Variants in BANP observed in about 807,000 individuals in gnomAD.
The protein encoded by BANP is protein BANP.
In BANP, 11 loss-of-function variants were observed where a neutral mutation model predicts 68.1. The observed-to-expected ratio is 0.16, with a 90% CI of 0.10 to 0.27. BANP has a LOEUF of 0.27. Among genes scored for constraint, BANP ranks in the 10% least tolerant of loss-of-function variants. BANP has a pLI of 1.00. For synonymous variants in BANP, 329 were observed against 303.2 expected, an observed-to-expected ratio of 1.09 and a Z score of -0.88; for missense variants, 504 against 722.7, an observed-to-expected ratio of 0.70 and a Z score of 3.47.
chr16:88,052,547 C>G (rs1341805188), intron 11 of BANP, among the ~76,000 whole-genome samples: 1 of 151,982 alleles, frequency 6.6e-6, no homozygotes, highest in African/African-American at 2.4e-5. Context: ...CCCAGAGCTC[C>G]ACCATCATCA....
In BANP at chr16:88,024,211, TTC is replaced by T. The variant is rs2076542696; in HGVS notation, c.896-3269_896-3268del. Among the ~76,000 whole-genome samples the T allele has an allele frequency of 2.0e-5, 3 of 152,252 alleles. No homozygotes were observed. In the East Asian group the frequency reaches 5.8e-4, roughly 29 times the overall value. On this transcript the variant is annotated intron_variant, in intron 7 of 13. Transcript: ENST00000682872. ...CGTCTCCCCGAGCACCTCTCATGGG[TTC>T]TCAGGATCCAGTGAGGGCCGCTGCT...
chr16:87,974,818 G>A (rs2061721710), intron 1 of BANP, among the ~76,000 whole-genome samples: 1 of 152,140 alleles, frequency 6.6e-6, no homozygotes, highest in Non-Finnish European at 1.5e-5. Flanking sequence ...GAGAGGCCCC[G>A]GGTGGCTCGT....
At chr16:87,951,651 G>GCCCGGGCCGGGCGATCGCCC (rs2056881780) in intron 1 of BANP, 136 bp downstream of exon 1, 1 of 147,642 alleles carries the variant, frequency 6.8e-6, no homozygotes, top group South Asian at 1.8e-4. Context: ...GCCGCCAACC[G>GCCCGGGCCGGGCGATCGCCC]CCCGGGCCGG....
At position 88,076,791 on chromosome 16, in the gene BANP, G is replaced by T; in HGVS notation, c.*130G>T. ...TGCTGAAGTGCGTCTGAAGGCCGCT[G>T]CCTCCGCGGGGAACAGCATCCTATC... On this transcript the variant is annotated 3_prime_UTR_variant, in exon 14 of 14. Coordinates refer to ENST00000682872, the MANE Select transcript of BANP (RefSeq NM_001386991.1). 1.4e-6 allele frequency: 1 copy of T among 717,768 alleles called. No homozygotes were observed. The highest frequency in any genetic ancestry group is 1.9e-5 in the South Asian group (1 of 52,446). 44.5% of individuals were successfully genotyped at this position (717,768 alleles called of 1,614,324 possible).
chr16:88,044,304 C>T (rs3890051), intron 11 of BANP, among the ~76,000 whole-genome samples: 71,797 of 150,750 alleles, frequency 0.48, 20,079 homozygotes, highest in Non-Finnish European at 0.66. Context: ...CATGTGCACA[C>T]ACACAGTCGG....
chr16:87,956,935 A>G (rs1185956195), intron 1 of BANP: 1 of 151,950 alleles, frequency 6.6e-6, no homozygotes, highest in Non-Finnish European at 1.5e-5. Flanking sequence ...AGAGAGGAGC[A>G]CCCCGGGGCC....
rs79493400 is a variant in BANP, at chr16:88,064,349, G to C, written c.1312-918G>C. 0.014 allele frequency among the ~76,000 whole-genome samples: 2,194 copies of C among 152,340 alleles called. 59 individuals carry two copies. The highest frequency in any genetic ancestry group is 0.051 in the African/African-American group (2,116 of 41,578). On this transcript the variant is annotated intron_variant, in intron 11 of 13. Coordinates refer to ENST00000682872, the MANE Select transcript of BANP (RefSeq NM_001386991.1). The surrounding 1 kb of genome is among the most constrained non-coding windows in gnomAD (Gnocchi z 4.5). ...TGGTCACCTGTGGTCAGGGACAGTG[G>C]GTTCCTCTCCCTTAGCATGCTTGGA...
chr16:88,026,337 G>T (rs531816287), intron 7 of BANP, among the ~76,000 whole-genome samples: 36 of 152,314 alleles, frequency 2.4e-4, no homozygotes, highest in African/African-American at 7.2e-4. Context: ...GAGAAGGCAC[G>T]ATAGAGAGGC....
intron 1 of BANP, 53 bp from the exon 2 acceptor site, chr16:87,974,995 C>T: frequency 1.2e-6 from 1 of 813,174 alleles, no homozygotes. Context: ...TTCATAATTT[C>T]ACGTGTAGCG....
In BANP at chr16:88,071,225, C is replaced by T. The variant is rs140677473; in HGVS notation, c.1378-844C>T. 9 of 348,010 alleles carry T rather than the reference C, an allele frequency of 2.6e-5. No homozygotes were observed. The highest frequency in any genetic ancestry group is 6.4e-5 in the African/African-American group (3 of 46,620). The allele number at this position is 348,010 out of a possible 1,614,324, so 21.6% of individuals were successfully genotyped here. Reference sequence around the variant, plus strand: ...TGTGGGATGCATCTCCTGGCCCTCCCGTAGTGGGGTGCAACCCCAAGTGAA... The same window carrying T: ...TGTGGGATGCATCTCCTGGCCCTCCTGTAGTGGGGTGCAACCCCAAGTGAA... On this transcript the variant is annotated intron_variant, in intron 12 of 13. Transcript: ENST00000682872. The surrounding 1 kb of genome is among the most constrained non-coding windows in gnomAD (Gnocchi z 6.5).
At chr16:87,978,468 G>C (rs2062614326) in intron 2 of BANP, 1 of 355,138 alleles carries the variant, frequency 2.8e-6, no homozygotes, top group Non-Finnish European at 5.9e-6. Context: ...TTTCCAGTGA[G>C]AGTAGAGCCT....
intron 4 of BANP, among the ~76,000 whole-genome samples, chr16:87,997,674 C>T (rs57300257): frequency 0.29 from 42,412 of 148,628 alleles, 6,899 homozygotes; most frequent in East Asian, 0.5. Context: ...GGAGTGAGAC[C>T]ATGTGTTCGT....
Position 87,977,268 on chromosome 16 carries a change from A to C in BANP, c.70+2083A>C, listed in dbSNP as rs1033213522. The stretch of plus-strand genomic sequence containing the variant: ...ACTTAAAATACAAAAAAATACAAAA[A>C]ATTAGCCGGGCGTGGTGGCGGGCGC... On this transcript the variant is annotated intron_variant, in intron 2 of 13. Coordinates refer to ENST00000682872, the MANE Select transcript of BANP (RefSeq NM_001386991.1). Among the ~76,000 whole-genome samples, 13 of 152,258 alleles carry C rather than the reference A, an allele frequency of 8.5e-5. No individual in the cohort carries two copies. The South Asian group carries it at 2.1e-3, about 24-fold the overall frequency.
At chr16:88,020,225 C>A (rs376907828) in intron 7 of BANP, among the ~76,000 whole-genome samples, 1 of 152,254 alleles carries the variant, frequency 6.6e-6, no homozygotes, top group Non-Finnish European at 1.5e-5. Flanking sequence ...CTCTGTTCAA[C>A]TGCTTAGCTC....
At chr16:87,972,881 A>T (rs1353787401) in intron 1 of BANP, among the ~76,000 whole-genome samples, 1 of 152,022 alleles carries the variant, frequency 6.6e-6, no homozygotes, top group East Asian at 1.9e-4. Context: ...GGTCCAGAAC[A>T]CTCTGGCCTC....
At chr16:88,053,240 C>G (rs1295877914) in intron 11 of BANP, among the ~76,000 whole-genome samples, 1 of 151,770 alleles carries the variant, frequency 6.6e-6, no homozygotes, top group South Asian at 2.1e-4. Context: ...ACCACCCTAA[C>G]AACCACTACC....
chr16:87,978,825 A>G (rs1469049471), intron 2 of BANP: 4 of 335,774 alleles, frequency 1.2e-5, no homozygotes, highest in Non-Finnish European at 2.4e-5. Context: ...AGCTGAGACC[A>G]GCTGCCCCCA....
At chr16:87,980,758 C>T (rs781696315) in intron 2 of BANP, 14 of 407,228 alleles carry the variant, frequency 3.4e-5, no homozygotes, top group South Asian at 3.0e-4. Flanking sequence ...AGGGCAGCCC[C>T]GCAGAGCATG....
chr16:88,016,931 G>A (rs1330524700), intron 6 of BANP, among the ~76,000 whole-genome samples: 3 of 152,220 alleles, frequency 2.0e-5, no homozygotes, highest in Admixed American at 6.5e-5. Flanking sequence ...AGCCACACTG[G>A]CCTGCCCCTG....
Sources: gnomAD v4.1 joint callset for allele counts (sites outside exome capture counted in the v4.1 genomes callset) on GRCh38, gnomAD v4.1.1 for gene constraint, Gnocchi (gnomAD v3.1) non-coding constraint, MANE v1.5 for transcripts, NCBI Gene and HGNC (gene_info 2026-07-23, HGNC 2026-07-21) for gene names.